ADGRL3: variants seen among roughly 807,000 people sequenced by gnomAD.
The protein encoded by ADGRL3 is calcium-independent alpha-latrotoxin receptor 3.
Under a neutral mutation model 153.5 loss-of-function variants are expected in ADGRL3, and 62 were observed. That is an observed-to-expected ratio of 0.40 (90% CI 0.33 to 0.50). The LOEUF is 0.50. Ranked by LOEUF, ADGRL3 falls within the 20% of genes least tolerant of loss-of-function variation. ADGRL3 has a pLI of 0.47. For synonymous variants in ADGRL3, 710 were observed against 672.5 expected (o/e 1.06, Z -0.86); for missense variants, 1,641 against 1,859.4 (o/e 0.88, Z 2.16).
At chr4:61,411,507 A>T (rs1235746248) in intron 2 of ADGRL3, among the ~76,000 whole-genome samples, 1 of 152,194 alleles carries the variant, frequency 6.6e-6, no homozygotes, top group African/African-American at 2.4e-5. Context: ...TTTCTTAAAT[A>T]GCTTGCCCAA....
rs1734953158 is a variant in ADGRL3 at position 61,202,103 on chromosome 4, C to A, written c.-240+338C>A. On this transcript the variant is annotated intron_variant, in intron 1 of 26. Coordinates refer to ENST00000683033, the MANE Select transcript of ADGRL3 (RefSeq NM_001387552.1). The surrounding 1 kb of genome is among the most constrained non-coding windows in gnomAD (Gnocchi z 5.0). ...GAACAGTTCCCACCCCGTTAATTTT[C>A]CCTCTCCTCTCACCCCAGTGGCATC... 1 of 152,600 alleles carries A rather than the reference C, an allele frequency of 6.6e-6. No individual in the cohort carries two copies. Among genetic ancestry groups the A allele is most frequent in the Admixed American group, 6.5e-5 (1 of 15,290 alleles). The allele number at this position is 152,600 out of a possible 1,614,324, so 9.5% of individuals were successfully genotyped here. A position where few individuals can be genotyped will look rare whatever the true frequency, so the allele number is the denominator to read the frequency against.
chr4:61,832,611 T>C (rs2122641), intron 9 of ADGRL3, among the ~76,000 whole-genome samples: 50,282 of 151,908 alleles, frequency 0.33, 10,510 homozygotes, highest in East Asian at 0.61. Context: ...TTCTGTGCCC[T>C]AATAGCAGGG....
chr4:61,531,470 T>C (rs561115973), intron 4 of ADGRL3, among the ~76,000 whole-genome samples: 1 of 152,264 alleles, frequency 6.6e-6, no homozygotes, highest in African/African-American at 2.4e-5. Flanking sequence ...TCAAGAGCCT[T>C]AGTGGCTTGA....
chr4:61,328,555 A>G (rs1161547946), intron 1 of ADGRL3, among the ~76,000 whole-genome samples: 1 of 152,172 alleles, frequency 6.6e-6, no homozygotes, highest in Non-Finnish European at 1.5e-5. Context: ...CCTATCTATT[A>G]CAAGAGAAAA....
intron 8 of ADGRL3, among the ~76,000 whole-genome samples, chr4:61,749,507 C>T (rs1439567862): frequency 2.0e-5 from 3 of 152,188 alleles, no homozygotes; most frequent in South Asian, 4.1e-4. Flanking sequence ...GGCACATATA[C>T]ACCGTGGAAT....
chr4:61,987,291 G>A (rs567995072), intron 19 of ADGRL3, among the ~76,000 whole-genome samples: 26 of 151,538 alleles, frequency 1.7e-4, no homozygotes, highest in Admixed American at 1.4e-3. Flanking sequence ...TCAGCCTCCC[G>A]AGCAGCCGAG....
intron 1 of ADGRL3, among the ~76,000 whole-genome samples, chr4:61,228,985 C>A (rs139575641): frequency 1.6e-4 from 25 of 152,280 alleles, no homozygotes; most frequent in Non-Finnish European, 2.9e-4. Context: ...AGCCACCACA[C>A]CTGGCCTCTT....
intron 8 of ADGRL3, among the ~76,000 whole-genome samples, chr4:61,764,365 G>A (rs2096949874): frequency 1.3e-5 from 2 of 151,144 alleles, no homozygotes; most frequent in Admixed American, 6.6e-5. Flanking sequence ...ATTTGGGTAG[G>A]TAAAGGAAAA....
chr4:61,423,053 A>T (rs17226200), intron 2 of ADGRL3, among the ~76,000 whole-genome samples: 4,936 of 152,242 alleles, frequency 0.032, 255 homozygotes, highest in East Asian at 0.22. Context: ...GAGAGTTCTG[A>T]TATCAATTTG....
At chr4:61,802,733 A>G (rs1471425535) in intron 8 of ADGRL3, among the ~76,000 whole-genome samples, 1 of 152,114 alleles carries the variant, frequency 6.6e-6, no homozygotes, top group Non-Finnish European at 1.5e-5. Flanking sequence ...ATTGAATGGT[A>G]TATGGTATCT....
chr4:61,967,534 A>C (rs1006792207), intron 17 of ADGRL3, among the ~76,000 whole-genome samples: 22 of 152,164 alleles, frequency 1.4e-4, no homozygotes, highest in Non-Finnish European at 3.2e-4. Context: ...AATGCTTTTG[A>C]TTTTACTGTG....
chr4:61,946,513 T>A (rs188976279), intron 15 of ADGRL3, among the ~76,000 whole-genome samples: 43 of 152,232 alleles, frequency 2.8e-4, no homozygotes, highest in Admixed American at 1.2e-3. Flanking sequence ...TTTTGATAGA[T>A]TGTTGGTTTT....
rs1746343178 is a variant in ADGRL3, at chr4:62,073,724, A to G, written c.*2816A>G. Reference sequence around the variant, plus strand: ...TCTACATAGACCAAACTGAAGAAAGATCACTTGAATACACAAACTGGTGCA... The same window carrying G: ...TCTACATAGACCAAACTGAAGAAAGGTCACTTGAATACACAAACTGGTGCA... On this transcript the variant is annotated 3_prime_UTR_variant, in exon 27 of 27. Transcript: ENST00000683033. The G allele has an allele frequency of 6.6e-6, 1 of 152,176 alleles. No homozygotes were observed. The highest frequency in any genetic ancestry group is 2.4e-5 in the African/African-American group (1 of 41,462). The allele number at this position is 152,176 out of a possible 1,614,324, so 9.4% of individuals were successfully genotyped here.
At chr4:61,684,954 C>G (rs1053542281) in intron 6 of ADGRL3, among the ~76,000 whole-genome samples, 5 of 151,746 alleles carry the variant, frequency 3.3e-5, no homozygotes, top group African/African-American at 1.2e-4. Context: ...GCTCTTTCAC[C>G]CATGCTGGAG....
chr4:61,680,285 T>C (rs951813341), intron 6 of ADGRL3, among the ~76,000 whole-genome samples: 8 of 148,416 alleles, frequency 5.4e-5, no homozygotes, highest in African/African-American at 2.0e-4. Context: ...TAATATCCAT[T>C]TCCATTTCGA....
chr4:61,798,458 A>G (rs917088957), intron 8 of ADGRL3, among the ~76,000 whole-genome samples: 1 of 152,202 alleles, frequency 6.6e-6, no homozygotes, highest in Non-Finnish European at 1.5e-5. Flanking sequence ...ACTGACTGCC[A>G]TTAAATGCAG....
chr4:61,251,276 G>T (rs1759158644), intron 1 of ADGRL3, among the ~76,000 whole-genome samples: 1 of 152,170 alleles, frequency 6.6e-6, no homozygotes. Flanking sequence ...CTGACCAAAG[G>T]CTGTGCCTAG....
At chr4:61,552,122 G>A (rs1262475844) in intron 4 of ADGRL3, among the ~76,000 whole-genome samples, 4 of 151,870 alleles carry the variant, frequency 2.6e-5, no homozygotes, top group South Asian at 2.1e-4. Context: ...GAGTGCCTAG[G>A]TAACAGACCC....
At chr4:61,871,227 G>A (rs1372363561) in intron 9 of ADGRL3, among the ~76,000 whole-genome samples, 1 of 151,312 alleles carries the variant, frequency 6.6e-6, no homozygotes, top group Admixed American at 6.6e-5. Context: ...GCAGTGAGCA[G>A]AGATCGCACC....
Sources: allele counts gnomAD v4.1 joint callset (sites outside exome capture counted in the v4.1 genomes callset), GRCh38; gene constraint gnomAD v4.1.1; non-coding constraint Gnocchi (gnomAD v3.1); transcripts MANE v1.5; gene names NCBI Gene and HGNC (gene_info 2026-07-23, HGNC 2026-07-21).